Variants in PRKN observed in about 807,000 individuals in gnomAD.
PRKN encodes the protein E3 ubiquitin-protein ligase parkin.
Under a neutral mutation model 59.5 loss-of-function variants are expected in PRKN, and 56 were observed. That is an observed-to-expected ratio of 0.94 (90% CI 0.76 to 1.18). The LOEUF is 1.18. Among genes scored for constraint, PRKN ranks in the 50% most tolerant of loss-of-function variants. The pLI is 0.00. For missense variants in PRKN, 657 were observed against 596.4 expected (o/e 1.10, Z -1.06); for synonymous variants, 250 against 222.1 (o/e 1.13, Z -1.12).
At chr6:162,469,430 T>C (rs185105842) in intron 1 of PRKN, among the ~76,000 whole-genome samples, 8 of 151,308 alleles carry the variant, frequency 5.3e-5, no homozygotes, top group African/African-American at 1.9e-4. Context: ...AGTTCCAGGT[T>C]GCAAAAATGC....
chr6:161,877,352 T>C (rs1397805200), intron 6 of PRKN, among the ~76,000 whole-genome samples: 4 of 152,168 alleles, frequency 2.6e-5, no homozygotes, highest in South Asian at 2.1e-4. Context: ...CTGCCCTCCA[T>C]GGCCCCTCCA....
chr6:162,351,160 C>T (rs552300572), intron 2 of PRKN, among the ~76,000 whole-genome samples: 11 of 152,070 alleles, frequency 7.2e-5, no homozygotes, highest in Non-Finnish European at 1.2e-4. Flanking sequence ...CACTGTACTC[C>T]GGCCTGGGCC....
chr6:162,226,104 A>C (rs930535293), intron 3 of PRKN, among the ~76,000 whole-genome samples: 2 of 149,498 alleles, frequency 1.3e-5, no homozygotes, highest in African/African-American at 4.9e-5. Flanking sequence ...TAATAAAATT[A>C]GATCAAACTG....
chr6:162,350,769 T>A (rs1784590448), intron 2 of PRKN, among the ~76,000 whole-genome samples: 1 of 152,128 alleles, frequency 6.6e-6, no homozygotes, highest in Non-Finnish European at 1.5e-5. Flanking sequence ...AGAAAACACT[T>A]TTTAGCTAAG....
At chr6:161,782,701 C>G (rs1411128251) in intron 7 of PRKN, among the ~76,000 whole-genome samples, 1 of 152,008 alleles carries the variant, frequency 6.6e-6, no homozygotes, top group Non-Finnish European at 1.5e-5. Flanking sequence ...AGAGACCAGC[C>G]TGGTTAACAT....
rs891462253 is a variant in PRKN, at chr6:161,447,987, T to C, written c.1084-61110A>G. ...AGATCTTAGACCTTAACCAGACTTATAGCCTTCATTCAAACCAGACTGAAT... is the reference window on the plus strand; with the variant it reads ...AGATCTTAGACCTTAACCAGACTTACAGCCTTCATTCAAACCAGACTGAAT... On this transcript the variant is annotated intron_variant, in intron 9 of 11. Coordinates refer to ENST00000366898, the MANE Select transcript of PRKN (RefSeq NM_004562.3). The surrounding 1 kb of genome is among the most constrained non-coding windows in gnomAD (Gnocchi z 4.1). Among the ~76,000 whole-genome samples the C allele has an allele frequency of 5.9e-5, 9 of 152,118 alleles. No individual in the cohort carries two copies. The highest frequency in any genetic ancestry group is 8.8e-5 in the Non-Finnish European group (6 of 68,034).
intron 7 of PRKN, among the ~76,000 whole-genome samples, chr6:161,678,869 G>A (rs1186976089): frequency 1.3e-5 from 2 of 152,192 alleles, no homozygotes; most frequent in East Asian, 1.9e-4. Flanking sequence ...GCCCAGCCTA[G>A]GTGCCTGATT....
intron 6 of PRKN, among the ~76,000 whole-genome samples, chr6:161,828,716 C>T (rs938259215): frequency 4.6e-5 from 7 of 152,020 alleles, no homozygotes; most frequent in African/African-American, 9.7e-5. Context: ...GTCAGGAGTT[C>T]GAATCCAGCC....
chr6:162,285,872 C>T (rs1781164435), intron 2 of PRKN, among the ~76,000 whole-genome samples: 1 of 152,134 alleles, frequency 6.6e-6, no homozygotes, highest in Non-Finnish European at 1.5e-5. Context: ...AGACAGACAA[C>T]AAACAGATAA....
At chr6:162,096,558 G>C (rs1244887952) in intron 4 of PRKN, among the ~76,000 whole-genome samples, 1 of 152,138 alleles carries the variant, frequency 6.6e-6, no homozygotes, top group East Asian at 1.9e-4. Flanking sequence ...GAGGCACCTG[G>C]CAGAAGATAA....
chr6:161,830,380 G>C (rs1235922864), intron 6 of PRKN, among the ~76,000 whole-genome samples: 1 of 151,920 alleles, frequency 6.6e-6, no homozygotes, highest in South Asian at 2.1e-4. Context: ...GCCTCCCGAG[G>C]AGCTGGGACT....
chr6:162,594,826 C>CTA (rs1469974893), intron 1 of PRKN, among the ~76,000 whole-genome samples: 2 of 152,262 alleles, frequency 1.3e-5, no homozygotes, highest in African/African-American at 4.8e-5. Flanking sequence ...TTTTCCTGTG[C>CTA]TATAGTTAAG....
At chr6:161,653,102 G>A (rs1784208809) in intron 7 of PRKN, among the ~76,000 whole-genome samples, 2 of 152,168 alleles carry the variant, frequency 1.3e-5, no homozygotes, top group Non-Finnish European at 2.9e-5. Context: ...GGTGGCTTAT[G>A]CCTGTAATCC....
intron 1 of PRKN, among the ~76,000 whole-genome samples, chr6:162,602,823 A>G (rs181601503): frequency 1.5e-3 from 232 of 152,308 alleles, no homozygotes; most frequent in African/African-American, 3.5e-3. Context: ...TCAAAAGCAG[A>G]GAGTGGCCTT....
At chr6:162,188,520 C>G (rs56778072) in intron 4 of PRKN, among the ~76,000 whole-genome samples, 1 of 152,210 alleles carries the variant, frequency 6.6e-6, no homozygotes, top group African/African-American at 2.4e-5. Context: ...CTATCCACAA[C>G]CCAACAGCAA....
intron 10 of PRKN, among the ~76,000 whole-genome samples, chr6:161,370,434 A>T (rs1310178037): frequency 6.0e-5 from 9 of 150,898 alleles, no homozygotes; most frequent in African/African-American, 2.2e-4. Flanking sequence ...CAAAAAAAAA[A>T]AAAAAAAATT....
chr6:161,438,437 C>G (rs1789033151), intron 9 of PRKN, among the ~76,000 whole-genome samples: 1 of 151,898 alleles, frequency 6.6e-6, no homozygotes, highest in Non-Finnish European at 1.5e-5. Context: ...AAGATGGTCT[C>G]TGTCTCTTGA....
chr6:162,579,058 A>G (rs185197486), intron 1 of PRKN, among the ~76,000 whole-genome samples: 85 of 152,220 alleles, frequency 5.6e-4, no homozygotes, highest in African/African-American at 1.9e-3. Context: ...AATTTTTCCT[A>G]TCTTTTAAAA....
intron 5 of PRKN, among the ~76,000 whole-genome samples, chr6:161,975,961 A>T (rs1055789200): frequency 6.6e-6 from 1 of 152,056 alleles, no homozygotes; most frequent in African/African-American, 2.4e-5. Flanking sequence ...GCTGGAATGC[A>T]TTAGTGCAGT....
Sources: gnomAD v4.1 joint callset for allele counts (sites outside exome capture counted in the v4.1 genomes callset) on GRCh38, gnomAD v4.1.1 for gene constraint, Gnocchi (gnomAD v3.1) non-coding constraint, MANE v1.5 for transcripts, NCBI Gene and HGNC (gene_info 2026-07-23, HGNC 2026-07-21) for gene names.